The following RAB38 variants were observed in gnomAD, a reference collection of about 807,000 sequenced individuals.
RAB38 encodes RAB38, member RAS oncogene family, also known as ras-related protein Rab-38.
Under a neutral mutation model 18.4 loss-of-function variants are expected in RAB38, and 15 were observed. That is an observed-to-expected ratio of 0.82 (90% CI 0.55 to 1.26). RAB38 has a LOEUF of 1.26. Among genes scored for constraint, RAB38 ranks in the 50% most tolerant of loss-of-function variants. The probability of loss-of-function intolerance (pLI) is 0.00; values close to 1 mark genes in which losing one functional copy is unlikely to be tolerated. For synonymous variants in RAB38, 101 were observed against 104.4 expected, an observed-to-expected ratio of 0.97 and a Z score of 0.20; for missense variants, 294 against 267.4, an observed-to-expected ratio of 1.10 and a Z score of -0.69.
At chr11:88,009,739 C>T in the RAB38 span, among the ~76,000 whole-genome samples, 2 of 152,148 alleles carry the variant, frequency 1.3e-5, no homozygotes, top group Non-Finnish European at 2.9e-5. Flanking sequence ...GTGGGTGCCA[C>T]AGTGCCAGTG....
chr11:88,114,285 G>C, intron 2 of RAB38, 145 bp from the exon 3 acceptor site: 1 of 871,906 alleles, frequency 1.1e-6, no homozygotes, highest in South Asian at 1.9e-5. Context: ...ACTCTTATTT[G>C]TTCCTTCAAA....
At chr11:87,927,632 A>G in the RAB38 span, among the ~76,000 whole-genome samples, 1 of 151,958 alleles carries the variant, frequency 6.6e-6, no homozygotes, top group Non-Finnish European at 1.5e-5. Context: ...TACTAGTATA[A>G]CTAGTATACT....
At chr11:87,971,765 G>C in the RAB38 span, among the ~76,000 whole-genome samples, 1 of 151,976 alleles carries the variant, frequency 6.6e-6, no homozygotes, top group African/African-American at 2.4e-5. Context: ...AAATTTTAAA[G>C]AACCACCTTT....
chr11:87,913,205 G>A, the RAB38 span, among the ~76,000 whole-genome samples: 24 of 128,320 alleles, frequency 1.9e-4, no homozygotes, highest in Admixed American at 1.3e-3. Context: ...AGTAGTAGCC[G>A]TTCAAGTTGG....
At chr11:88,093,998 C>G in the RAB38 span, among the ~76,000 whole-genome samples, 3 of 150,336 alleles carry the variant, frequency 2.0e-5, no homozygotes, top group East Asian at 5.9e-4. Context: ...TCATTGCTTC[C>G]ATGGCTAGTG....
the RAB38 span, among the ~76,000 whole-genome samples, chr11:87,939,908 A>G: frequency 6.6e-6 from 1 of 152,066 alleles, no homozygotes; most frequent in Non-Finnish European, 1.5e-5. Flanking sequence ...ATCTCAAAAA[A>G]TCAAAGTTGT....
intron 2 of RAB38, among the ~76,000 whole-genome samples, chr11:88,146,214 T>G (rs906593483): frequency 1.3e-5 from 2 of 152,000 alleles, no homozygotes; most frequent in Non-Finnish European, 2.9e-5. Context: ...AGCAGTGGGG[T>G]CAGTGGTAAG....
chr11:88,167,132 A>C (rs2134853312), intron 1 of RAB38: 1 of 152,314 alleles, frequency 6.6e-6, no homozygotes, highest in East Asian at 1.9e-4. Flanking sequence ...TGGTTTCAAC[A>C]GACATTCTGG....
the RAB38 span, among the ~76,000 whole-genome samples, chr11:87,920,817 C>A: frequency 1.2e-4 from 19 of 152,124 alleles, no homozygotes; most frequent in Admixed American, 1.1e-3. Flanking sequence ...TTTGGTACTT[C>A]CATGTTGGGT....
chr11:87,948,069 A>C, the RAB38 span, among the ~76,000 whole-genome samples: 21 of 152,014 alleles, frequency 1.4e-4, no homozygotes, highest in South Asian at 4.2e-4. Flanking sequence ...CTTTTATTTC[A>C]TTGAGCAGTG....
the RAB38 span, among the ~76,000 whole-genome samples, chr11:87,822,308 A>C: frequency 6.6e-6 from 1 of 152,370 alleles, no homozygotes; most frequent in South Asian, 2.1e-4. Context: ...AAACAATCCA[A>C]GTACAAGCAT....
At chr11:88,115,527 G>GGT (rs771354036) in intron 2 of RAB38, 4 of 152,178 alleles carry the variant, frequency 2.6e-5, no homozygotes, top group Non-Finnish European at 5.9e-5. Flanking sequence ...GAAAGCTTAA[G>GGT]GTAACTTTGG....
the RAB38 span, among the ~76,000 whole-genome samples, chr11:87,893,371 C>CATATATATATATGTAT: frequency 3.5e-5 from 3 of 86,446 alleles, no homozygotes; most frequent in African/African-American, 1.3e-4. Context: ...ATATATTTTA[C>CATATATATATATGTAT]ATATATATAT....
At chr11:88,059,956 A>C in the RAB38 span, among the ~76,000 whole-genome samples, 1 of 152,338 alleles carries the variant, frequency 6.6e-6, no homozygotes, top group East Asian at 1.9e-4. Flanking sequence ...TCTTTAAAAC[A>C]ATCTTGATAA....
the RAB38 span, among the ~76,000 whole-genome samples, chr11:88,078,501 A>ATATG: frequency 1.9e-4 from 29 of 148,792 alleles, 1 homozygote; most frequent in Middle Eastern, 0.01. Context: ...GTGTGTATAT[A>ATATG]TGTGTGTGTG....
the RAB38 span, among the ~76,000 whole-genome samples, chr11:87,941,211 T>TTATATATATATATATATATA: frequency 1.7e-4 from 4 of 24,146 alleles, no homozygotes; most frequent in Non-Finnish European, 2.1e-4. Flanking sequence ...TATAAATATA[T>TTATATATATATATATATATA]GAGATATATA....
the RAB38 span, among the ~76,000 whole-genome samples, chr11:87,835,533 G>T: frequency 6.6e-6 from 1 of 152,144 alleles, no homozygotes; most frequent in Non-Finnish European, 1.5e-5. Context: ...ACGTCATAAT[G>T]TGACCTGTTT....
At chr11:87,878,095 G>A in the RAB38 span, among the ~76,000 whole-genome samples, 2 of 149,640 alleles carry the variant, frequency 1.3e-5, no homozygotes, top group Non-Finnish European at 3.0e-5. Flanking sequence ...AAATGTTGGT[G>A]GGGCTAGGAT....
chr11:88,171,253 A>G (rs1473310274), intron 1 of RAB38, among the ~76,000 whole-genome samples: 1 of 152,212 alleles, frequency 6.6e-6, no homozygotes. Flanking sequence ...ACAGACAGAA[A>G]ACGAAGGCAC....
Sources: gnomAD v4.1 joint callset for allele counts (sites outside exome capture counted in the v4.1 genomes callset) on GRCh38, gnomAD v4.1.1 for gene constraint, MANE v1.5 for transcripts, NCBI Gene and HGNC (gene_info 2026-07-23, HGNC 2026-07-21) for gene names.